The following TSC2 variants were observed in gnomAD, a reference collection of about 807,000 sequenced individuals.
TSC2 encodes tuberin.
Under a neutral mutation model 202.2 loss-of-function variants are expected in TSC2, and 29 were observed. That is an observed-to-expected ratio of 0.14 (90% CI 0.11 to 0.20). The LOEUF is 0.20. Among genes scored for constraint, TSC2 ranks in the 10% least tolerant of loss-of-function variants. TSC2 has a pLI of 1.00. For missense variants in TSC2, 2,429 were observed against 2,420.0 expected (o/e 1.00, Z -0.08); for synonymous variants, 1,349 against 1,044.0 (o/e 1.29, Z -5.63).
At chr16:2,083,499 C>T (rs569439554) in intron 32 of TSC2, 196 bp from the exon 33 acceptor site, 6 of 911,770 alleles carry the variant, frequency 6.6e-6, no homozygotes, top group East Asian at 2.6e-5. Context: ...GCAGGAGAGG[C>T]CTGTGTCGGG....
chr16:2,060,833 TCCGGGGAGCA>T lies in TSC2; in HGVS notation c.1119+26_1119+35del, dbSNP rs2086549477. 1.9e-6 allele frequency: 3 copies of T among 1,611,902 alleles called. No individual in the cohort carries two copies. Among genetic ancestry groups the T allele is most frequent in the East Asian group, 2.2e-5 (1 of 44,854 alleles). ...CTCCAGGTGGGGTGGGGGCAGGAGCTCCGGGGAGCACCGGGAACCCAGACAGGCAGGCTCG... is the reference window on the plus strand; with the variant it reads ...CTCCAGGTGGGGTGGGGGCAGGAGCTCCGGGAACCCAGACAGGCAGGCTCG... On this transcript the variant is annotated intron_variant, in intron 11 of 41. Transcript: ENST00000219476.
chr16:2,065,773 G>C, intron 16 of TSC2, 138 bp downstream of exon 16: 1 of 768,102 alleles, frequency 1.3e-6, no homozygotes, highest in Non-Finnish European at 2.3e-6. Context: ...GGTGGTCTCA[G>C]CAGGCAGCAG....
rs749926022 is a variant in TSC2, at chr16:2,076,197, G to C, written c.2742+27G>C. On this transcript the variant is annotated intron_variant, in intron 24 of 41. Transcript: ENST00000219476. ...TGGGCTCAGGGCCGGTGAAGGCTGTGTCTCTCGGTAGGCCAGGGCTTGCTT... is the reference window on the plus strand; with the variant it reads ...TGGGCTCAGGGCCGGTGAAGGCTGTCTCTCTCGGTAGGCCAGGGCTTGCTT... 21 of 1,613,004 alleles carry C rather than the reference G, an allele frequency of 1.3e-5. 1 individual carries two copies. The highest frequency in any genetic ancestry group is 1.2e-4 in the Admixed American group (7 of 59,982).
chr16:2,088,641 G>A lies in TSC2; in HGVS notation c.*31G>A, dbSNP rs1360235256. Reference sequence around the variant, plus strand: ...GGGCCCTCCCTCCTGCACTGGCCTTGGACGGTATTGCCTGTCAGTGAAATA... The same window carrying A: ...GGGCCCTCCCTCCTGCACTGGCCTTAGACGGTATTGCCTGTCAGTGAAATA... On this transcript the variant is annotated 3_prime_UTR_variant, in exon 42 of 42. Coordinates refer to ENST00000219476, the MANE Select transcript of TSC2 (RefSeq NM_000548.5). 3.8e-6 allele frequency: 6 copies of A among 1,588,314 alleles called. No homozygotes were observed. Among genetic ancestry groups the A allele is most frequent in the Non-Finnish European group, 5.1e-6 (6 of 1,174,536 alleles).
intron 32 of TSC2, 127 bp downstream of exon 32, chr16:2,082,631 G>C (rs562317274): frequency 6.7e-6 from 7 of 1,047,432 alleles, no homozygotes; most frequent in Non-Finnish European, 1.0e-5. Flanking sequence ...AGCAGGTCCC[G>C]ACTCGCATGA....
intron 3 of TSC2, among the ~76,000 whole-genome samples, chr16:2,050,998 A>G (rs1055660473): frequency 2.0e-5 from 3 of 152,104 alleles, no homozygotes; most frequent in Non-Finnish European, 4.4e-5. Context: ...TGGGGAGCAA[A>G]GGGATTAGGC....
intron 31 of TSC2, 69 bp from the exon 32 acceptor site, chr16:2,082,367 T>G (rs1437020761): frequency 1.3e-6 from 2 of 1,567,536 alleles, no homozygotes; most frequent in East Asian, 2.2e-5. Context: ...ACGGGGCCTG[T>G]GCTCTCTGCT....
Position 2,056,642 on chromosome 16 carries a change from A to G in TSC2, c.649-2A>G, listed in dbSNP as rs2151077351. On this transcript the variant is annotated splice_acceptor_variant, in intron 7 of 41. Transcript: ENST00000219476. LOFTEE classifies it high-confidence loss of function. ...GGCGTGAGCCGTCTCCCTCTCCACCAGGTCTCCCTGCAGGTGCTGGACGCC... is the reference window on the plus strand; with the variant it reads ...GGCGTGAGCCGTCTCCCTCTCCACCGGGTCTCCCTGCAGGTGCTGGACGCC... 2 of 1,610,146 alleles carry G rather than the reference A, an allele frequency of 1.2e-6. No homozygotes were observed. The highest frequency in any genetic ancestry group is 1.7e-6 in the Non-Finnish European group (2 of 1,179,968).
At chr16:2,086,698 C>A (rs762955078) in intron 37 of TSC2, 34 bp from the exon 38 acceptor site, 2 of 1,606,120 alleles carry the variant, frequency 1.2e-6, no homozygotes. Flanking sequence ...TCAGCACTGG[C>A]CCCACAAACC....
At chr16:2,060,460 G>T (rs2086487607) in intron 10 of TSC2, among the ~76,000 whole-genome samples, 1 of 152,212 alleles carries the variant, frequency 6.6e-6, no homozygotes, top group Admixed American at 6.5e-5. Flanking sequence ...AGGCAGGCAT[G>T]GGGGTGGGGC....
At position 2,054,423 on chromosome 16, in the gene TSC2, A is replaced by G. The variant is rs755177576; in HGVS notation, c.464A>G (p.Tyr155Cys). The G allele has an allele frequency of 4.3e-6, 7 of 1,614,112 alleles. No homozygotes were observed. Among genetic ancestry groups the G allele is most frequent in the Non-Finnish European group, 5.1e-6 (6 of 1,180,006 alleles). ...ALTDNGRHITYLEEELADFVL... is the reference protein window; with the variant it reads ...ALTDNGRHITCLEEELADFVL... ...ACAGACAATGGGAGACACATCACCT[A>G]CTTGGAGGAAGAGCTGGGTGGGTGC... The change falls in exon 5 of 42, where the codon TAC (tyrosine) becomes TGC (cysteine). Residue 155 changes from tyrosine (Y) to cysteine (C), a missense_variant. By Grantham distance (194) the Tyr-to-Cys change is radical. Coordinates refer to ENST00000219476, the MANE Select transcript of TSC2 (RefSeq NM_000548.5).
intron 14 of TSC2, 29 bp from the exon 15 acceptor site, chr16:2,064,243 G>A (rs778300365): frequency 1.3e-5 from 21 of 1,613,656 alleles, no homozygotes; most frequent in Non-Finnish European, 1.8e-5. Context: ...TTGGGCTGGC[G>A]CTCATTGGCC....
In TSC2 at chr16:2,059,087, T is replaced by C. The variant is rs183097117; in HGVS notation, c.975+214T>C. On this transcript the variant is annotated intron_variant, in intron 10 of 41. Transcript: ENST00000219476. ...GAGAAGGAGTTCTGCTCTTTCTGCT[T>C]GGCTGACTGCAATCTCCGCCTCCCG... 3.4e-3 allele frequency among the ~76,000 whole-genome samples: 511 copies of C among 151,348 alleles called. 2 individuals are homozygous for C. The highest frequency in any genetic ancestry group is 0.012 in the African/African-American group (482 of 41,346).
chr16:2,083,893 C>A (rs376409294), intron 33 of TSC2, 77 bp downstream of exon 33: 1 of 1,533,082 alleles, frequency 6.5e-7, no homozygotes. Flanking sequence ...CGTGGGTGTG[C>A]CTGCACCCTG....
rs1425542648 is a variant in TSC2, at chr16:2,084,615, G to A, written c.4393G>A (p.Asp1465Asn). ...GLRPRGYTIS[D>N]SAPSRRGKRV... ...CCGGCCCCGAGGTTACACCATCTCC[G>A]ACTCGGCCCCATCACGCAGGGGCAA... Residue 1465 changes from aspartate to asparagine, a missense_variant, in exon 34 of 42, where the codon GAC (aspartate) becomes AAC (asparagine). By Grantham distance (23) the Asp-to-Asn change is conservative. Coordinates refer to ENST00000219476, the MANE Select transcript of TSC2 (RefSeq NM_000548.5). 1.9e-6 allele frequency: 3 copies of A among 1,602,046 alleles called. No homozygotes were observed. Among genetic ancestry groups the A allele is most frequent in the South Asian group, 1.1e-5 (1 of 91,064 alleles).
intron 19 of TSC2, 27 bp from the exon 20 acceptor site, chr16:2,072,214 C>CTGT: frequency 6.2e-7 from 1 of 1,613,658 alleles, no homozygotes; most frequent in Non-Finnish European, 8.5e-7. Flanking sequence ...CCAGAAGGCC[C>CTGT]TGTCCTGACG....
rs186665074 is a variant in TSC2, at chr16:2,079,466, C to T, written c.3284+38C>T. 1.5e-5 allele frequency: 24 copies of T among 1,612,236 alleles called. No individual in the cohort carries two copies. Among genetic ancestry groups the T allele is most frequent in the African/African-American group, 6.7e-5 (5 of 75,040 alleles). On this transcript the variant is annotated intron_variant, in intron 28 of 41. Transcript: ENST00000219476. This position sits in a 1 kb window ranked among gnomAD's most constrained non-coding sequence, Gnocchi z 4.6. ...TCCTTTCCTCCGCGCCTGCCAGCCT[C>T]GACACCGGCTGTCCCGAGCCCAGGC... is the stretch of plus-strand genomic sequence containing the variant.
chr16:2,048,018 G>C lies in TSC2; in HGVS notation c.-77G>C, dbSNP rs574308322. On this transcript the variant is annotated 5_prime_UTR_variant, in exon 1 of 42. Transcript: ENST00000219476. ...CGGCGTCCCGGGGCCAGGGGGGTGC[G>C]CCTTTCTCCGCGTCGGGGCGGCCCG... is the stretch of plus-strand genomic sequence containing the variant. 8 of 1,454,756 alleles carry C rather than the reference G, an allele frequency of 5.5e-6. No individual in the cohort carries two copies. In the African/African-American group the frequency reaches 8.8e-5, roughly 16 times the overall value. The allele number at this position is 1,454,756 out of a possible 1,614,324, so 90.1% of individuals were successfully genotyped here. A position where few individuals can be genotyped will look rare whatever the true frequency, so the allele number is the denominator to read the frequency against.
intron 14 of TSC2, chr16:2,063,354 C>T (rs1032733430): frequency 7.0e-5 from 38 of 544,276 alleles, no homozygotes; most frequent in Admixed American, 1.3e-4. Context: ...TGTGTGAGTT[C>T]GTTTCAGCCA....
Sources: allele counts gnomAD v4.1 joint callset (sites outside exome capture counted in the v4.1 genomes callset), GRCh38; gene constraint gnomAD v4.1.1; non-coding constraint Gnocchi (gnomAD v3.1); transcripts MANE v1.5; gene names NCBI Gene and HGNC (gene_info 2026-07-23, HGNC 2026-07-21).